The following CEP112 variants were observed in gnomAD, a reference collection of about 807,000 sequenced individuals.
CEP112 encodes centrosomal protein of 112 kDa.
A neutral mutation model predicts 153.0 loss-of-function variants in CEP112; 127 were observed. The ratio of observed to expected loss-of-function variants is 0.83; its 90% CI spans 0.72 to 0.96. The LOEUF (loss-of-function observed/expected upper bound fraction) is 0.96, where lower values mean the gene tolerates loss of function less well. Among genes scored for constraint, CEP112 ranks in the 40% least tolerant of loss-of-function variants. The pLI is 0.00. For synonymous variants in CEP112, 358 were observed against 374.4 expected, an observed-to-expected ratio of 0.96 and a Z score of 0.51; for missense variants, 1,089 against 1,101.2, an observed-to-expected ratio of 0.99 and a Z score of 0.16.
At chr17:65,834,988 T>C (rs1013466895) in intron 21 of CEP112, among the ~76,000 whole-genome samples, 2 of 152,078 alleles carry the variant, frequency 1.3e-5, no homozygotes, top group Non-Finnish European at 2.9e-5. Flanking sequence ...ATGTGATACA[T>C]ATATACCATG....
At chr17:65,651,343 A>C (rs1034543785) in intron 24 of CEP112, among the ~76,000 whole-genome samples, 1 of 152,150 alleles carries the variant, frequency 6.6e-6, no homozygotes, top group Non-Finnish European at 1.5e-5. Flanking sequence ...TGATTGATGG[A>C]CATCTGGGTT....
intron 20 of CEP112, among the ~76,000 whole-genome samples, chr17:65,883,281 TG>T (rs1317680107): frequency 4.0e-5 from 6 of 150,576 alleles, no homozygotes; most frequent in African/African-American, 1.5e-4. Context: ...TATATATATA[TG>T]AAGTGTATAT....
intron 21 of CEP112, among the ~76,000 whole-genome samples, chr17:65,845,349 A>T (rs1479039738): frequency 6.6e-6 from 1 of 152,200 alleles, no homozygotes; most frequent in Admixed American, 6.5e-5. Context: ...AAAATTTGTT[A>T]TACCCATAAA....
intron 20 of CEP112, among the ~76,000 whole-genome samples, chr17:65,864,722 C>T (rs141374966): frequency 5.6e-4 from 86 of 152,226 alleles, no homozygotes; most frequent in African/African-American, 1.9e-3. Flanking sequence ...AAGGAAAGAG[C>T]ACTACAACAC....
chr17:65,971,664 GTA>G (rs34890873), intron 17 of CEP112, among the ~76,000 whole-genome samples: 62,831 of 151,886 alleles, frequency 0.41, 14,373 homozygotes, highest in East Asian at 0.87. Context: ...TCACATGCAT[GTA>G]TGTTACATGC....
intron 6 of CEP112, among the ~76,000 whole-genome samples, chr17:66,120,581 A>G (rs950543650): frequency 9.9e-5 from 15 of 152,146 alleles, no homozygotes; most frequent in African/African-American, 3.6e-4. Context: ...TCTTAAGTGA[A>G]TTTTTGGTAG....
At chr17:66,010,145 G>A (rs1354158955) in intron 16 of CEP112, among the ~76,000 whole-genome samples, 1 of 152,016 alleles carries the variant, frequency 6.6e-6, no homozygotes, top group Non-Finnish European at 1.5e-5. Flanking sequence ...ATTGAGCAAT[G>A]TTTTTTATCC....
chr17:66,134,221 G>A (rs1294475288), intron 4 of CEP112, among the ~76,000 whole-genome samples: 2 of 152,146 alleles, frequency 1.3e-5, no homozygotes, highest in African/African-American at 4.8e-5. Flanking sequence ...AAATGAGCCT[G>A]AAATGTTTAT....
chr17:66,168,298 T>C (rs1312849439), intron 4 of CEP112, among the ~76,000 whole-genome samples: 3 of 152,094 alleles, frequency 2.0e-5, no homozygotes, highest in Admixed American at 6.6e-5. Context: ...AAAACACATA[T>C]ACACAAACAC....
intron 20 of CEP112, among the ~76,000 whole-genome samples, chr17:65,874,925 A>C (rs1441325170): frequency 6.6e-6 from 1 of 152,122 alleles, no homozygotes; most frequent in Non-Finnish European, 1.5e-5. Flanking sequence ...TGGTTTCCCT[A>C]TGCTACCTTA....
intron 21 of CEP112, among the ~76,000 whole-genome samples, chr17:65,846,458 T>TTTA (rs1238508850): frequency 6.6e-6 from 1 of 152,258 alleles, no homozygotes; most frequent in African/African-American, 2.4e-5. Context: ...ACCCAAAGTA[T>TTTA]TTATAATGAT....
rs116226423 is a variant in CEP112 at position 65,798,519 on chromosome 17, A to G, written c.2395-47795T>C. Among the ~76,000 whole-genome samples, 292 of 152,270 alleles carry G rather than the reference A, an allele frequency of 1.9e-3. 1 individual carries two copies. The highest frequency in any genetic ancestry group is 6.7e-3 in the African/African-American group (280 of 41,554). Reference sequence around the variant, plus strand: ...AAAGACTGACTCACGGACTAAAGTTATAGTAGACCTAGGTTCTAGGGATAT... The same window carrying G: ...AAAGACTGACTCACGGACTAAAGTTGTAGTAGACCTAGGTTCTAGGGATAT... On this transcript the variant is annotated intron_variant, in intron 21 of 26. Transcript: ENST00000535342.
chr17:65,963,393 G>A (rs962689791), intron 17 of CEP112, among the ~76,000 whole-genome samples: 4 of 152,046 alleles, frequency 2.6e-5, no homozygotes, highest in African/African-American at 4.8e-5. Context: ...AAAGTAATAC[G>A]AGTTTTTCCA....
chr17:65,844,585 T>C (rs1283866673), intron 21 of CEP112, among the ~76,000 whole-genome samples: 3 of 150,538 alleles, frequency 2.0e-5, no homozygotes, highest in Non-Finnish European at 4.4e-5. Flanking sequence ...CTCAGGAGTA[T>C]GAGGCGGGAG....
At chr17:65,846,557 T>TTTTTG (rs534407866) in intron 21 of CEP112, among the ~76,000 whole-genome samples, 1,712 of 152,162 alleles carry the variant, frequency 0.011, 31 homozygotes, top group African/African-American at 0.037. Flanking sequence ...ATTATCATTC[T>TTTTTG]TTTTGTTTTG....
chr17:65,901,330 C>T (rs996040565), intron 20 of CEP112, among the ~76,000 whole-genome samples: 28 of 152,102 alleles, frequency 1.8e-4, no homozygotes, highest in African/African-American at 6.8e-4. Context: ...TTATTGTTAT[C>T]AATTGCTCTT....
At chr17:65,809,855 G>A (rs189737115) in intron 21 of CEP112, among the ~76,000 whole-genome samples, 2,292 of 152,160 alleles carry the variant, frequency 0.015, 185 homozygotes, top group Admixed American at 0.12. Context: ...AAGGAAGTGG[G>A]GGGGGGAAGA....
At chr17:65,714,422 GTT>G (rs35586265) in intron 23 of CEP112, among the ~76,000 whole-genome samples, 1 of 151,198 alleles carries the variant, frequency 6.6e-6, no homozygotes, top group African/African-American at 2.4e-5. Context: ...GAATATCAAA[GTT>G]TTTTTTTAAT....
chr17:65,670,540 C>A (rs1047038782), intron 24 of CEP112, among the ~76,000 whole-genome samples: 1 of 152,112 alleles, frequency 6.6e-6, no homozygotes, highest in Admixed American at 6.6e-5. Context: ...CACCTTAACC[C>A]CACCTTCCTC....
Sources: allele counts gnomAD v4.1 joint callset (sites outside exome capture counted in the v4.1 genomes callset), GRCh38; gene constraint gnomAD v4.1.1; transcripts MANE v1.5; gene names NCBI Gene and HGNC (gene_info 2026-07-23, HGNC 2026-07-21).